The following DOCK4 variants were observed in gnomAD, a reference collection of about 807,000 sequenced individuals.
DOCK4 encodes dedicator of cytokinesis protein 4.
In DOCK4, 97 loss-of-function variants were observed where a neutral mutation model predicts 268.1. The ratio of observed to expected loss-of-function variants is 0.36; its 90% CI spans 0.31 to 0.43. The LOEUF (loss-of-function observed/expected upper bound fraction) is 0.43, where lower values mean the gene tolerates loss of function less well. Ranked by LOEUF, DOCK4 falls within the 20% of genes least tolerant of loss-of-function variation. DOCK4 has a pLI of 1.00. For synonymous variants in DOCK4, 954 were observed against 887.2 expected (o/e 1.08, Z -1.34); for missense variants, 2,145 against 2,455.7 (o/e 0.87, Z 2.67).
chr7:112,009,119 A>G (rs1801089386), intron 1 of DOCK4, among the ~76,000 whole-genome samples: 1 of 152,268 alleles, frequency 6.6e-6, no homozygotes, highest in African/African-American at 2.4e-5. Context: ...GCACAGGTCA[A>G]TTCCAGCCCA....
chr7:112,128,802 G>A (rs2428457), intron 1 of DOCK4, among the ~76,000 whole-genome samples: 64,132 of 150,898 alleles, frequency 0.43, 14,299 homozygotes, highest in South Asian at 0.56. Context: ...TCCTCTGCCT[G>A]GGAAAACCAG....
intron 39 of DOCK4, 50 bp downstream of exon 39, chr7:111,765,068 G>C (rs758187017): frequency 2.3e-5 from 19 of 826,430 alleles, no homozygotes; most frequent in Non-Finnish European, 3.4e-5. Context: ...TTCTTGATTG[G>C]GATATCTATA....
At chr7:112,017,474 A>G (rs767596299) in intron 1 of DOCK4, among the ~76,000 whole-genome samples, 3 of 152,220 alleles carry the variant, frequency 2.0e-5, no homozygotes, top group Non-Finnish European at 4.4e-5. Context: ...GCAATATAGT[A>G]TGGGAGAGGT....
At chr7:111,740,970 G>A (rs1795879634) in intron 47 of DOCK4, 124 bp downstream of exon 47, 7 of 1,168,756 alleles carry the variant, frequency 6.0e-6, no homozygotes, top group South Asian at 4.4e-5. Flanking sequence ...AGTGTTTAAA[G>A]GTTTGTCCTT....
chr7:112,099,056 T>C (rs1457691701), intron 1 of DOCK4, among the ~76,000 whole-genome samples: 3 of 151,940 alleles, frequency 2.0e-5, no homozygotes, highest in African/African-American at 7.2e-5. Flanking sequence ...TTGGGAGGCC[T>C]AGGTGGGCGG....
intron 1 of DOCK4, among the ~76,000 whole-genome samples, chr7:112,157,577 GT>G (rs1816738104): frequency 1.3e-5 from 2 of 152,182 alleles, no homozygotes; most frequent in African/African-American, 4.8e-5. Flanking sequence ...AACTCTCACA[GT>G]TCAGGGATTA....
chr7:112,167,368 T>C (rs1252984143), intron 1 of DOCK4, among the ~76,000 whole-genome samples: 1 of 152,152 alleles, frequency 6.6e-6, no homozygotes, highest in Admixed American at 6.5e-5. Flanking sequence ...CTGAATTCAT[T>C]CTTGGCTGAG....
chr7:111,998,490 G>T lies in DOCK4; in HGVS notation c.176C>A (p.Ser59Tyr). 6.3e-7 allele frequency: 1 copy of T among 1,590,474 alleles called. No individual in the cohort carries two copies. The highest frequency in any genetic ancestry group is 8.6e-7 in the Non-Finnish European group (1 of 1,166,410). Residue 59 changes from serine to tyrosine, a missense_variant, in exon 4 of 53, where the codon TCC becomes TAC. Around this residue, in one of 2 missense-constraint regions of DOCK4, gnomAD observed 1,598 missense variants for 1,986.7 expected, o/e 0.80. Coordinates refer to ENST00000428084, the MANE Select transcript of DOCK4 (RefSeq NM_001363540.2). ...GGCATTTTTCAAGTGAACGTAGCTG[G>T]AAGGAAATATACCCTGGAAAAGAAA... ...KNPNIKGIFP[S>Y]SYVHLKNACV... is the part of the protein sequence containing the mutation.
intron 42 of DOCK4, among the ~76,000 whole-genome samples, chr7:111,752,982 C>A: frequency 8.5e-6 from 1 of 118,264 alleles, no homozygotes; most frequent in East Asian, 2.5e-4. Flanking sequence ...GCATTGATAT[C>A]TTAACAAAAG....
At chr7:112,198,575 T>G (rs190874537) in intron 1 of DOCK4, among the ~76,000 whole-genome samples, 3 of 152,308 alleles carry the variant, frequency 2.0e-5, no homozygotes, top group African/African-American at 4.8e-5. Context: ...ATCTCTCACC[T>G]CAGTTACTGC....
At chr7:112,127,608 G>T in intron 1 of DOCK4, among the ~76,000 whole-genome samples, 1 of 151,976 alleles carries the variant, frequency 6.6e-6, no homozygotes. Flanking sequence ...CATAGAATTT[G>T]CTTAAAAATT....
At chr7:111,923,429 A>G (rs1170426571) in intron 12 of DOCK4, among the ~76,000 whole-genome samples, 4 of 151,978 alleles carry the variant, frequency 2.6e-5, no homozygotes, top group Admixed American at 6.6e-5. Flanking sequence ...TGCTAAGACT[A>G]TTATTTCTTT....
intron 1 of DOCK4, among the ~76,000 whole-genome samples, chr7:112,155,919 TTTTTAA>T (rs1816571731): frequency 6.6e-6 from 1 of 152,196 alleles, no homozygotes; most frequent in African/African-American, 2.4e-5. Context: ...AAACTATAAA[TTTTTAA>T]TTTTATTTAC....
chr7:112,033,074 GAC>G (rs1257965987), intron 1 of DOCK4, among the ~76,000 whole-genome samples: 2 of 152,062 alleles, frequency 1.3e-5, no homozygotes, highest in African/African-American at 2.4e-5. Flanking sequence ...TCTAGTAAGA[GAC>G]ACAGTATATT....
chr7:111,936,481 TATGAATGGATGG>T (rs1464080215), intron 11 of DOCK4, among the ~76,000 whole-genome samples: 1 of 145,552 alleles, frequency 6.9e-6, no homozygotes, highest in Non-Finnish European at 1.5e-5. Flanking sequence ...CTGTCAGTGG[TATGAATGGATGG>T]ATGGATGGAT....
At chr7:111,736,776 T>C (rs1795520835) in intron 50 of DOCK4, 141 bp downstream of exon 50, 2 of 760,390 alleles carry the variant, frequency 2.6e-6, no homozygotes, top group Non-Finnish European at 4.5e-6. Flanking sequence ...CTGTCTTTCA[T>C]TAATCCCTTA....
intron 1 of DOCK4, among the ~76,000 whole-genome samples, chr7:112,085,283 T>C (rs1423334379): frequency 6.6e-6 from 1 of 152,100 alleles, no homozygotes; most frequent in Non-Finnish European, 1.5e-5. Flanking sequence ...TAAACAAGAT[T>C]AGAGATTTTA....
intron 27 of DOCK4, among the ~76,000 whole-genome samples, chr7:111,813,798 C>A (rs1254321897): frequency 2.0e-5 from 3 of 152,116 alleles, no homozygotes; most frequent in African/African-American, 7.2e-5. Context: ...CATTACTGTT[C>A]CAAAGTATTT....
chr7:111,991,347 G>C (rs29473), intron 5 of DOCK4, among the ~76,000 whole-genome samples: 1 of 151,878 alleles, frequency 6.6e-6, no homozygotes, highest in African/African-American at 2.4e-5. Context: ...CTGAACATCT[G>C]GTCATAAAAT....
Sources: allele counts gnomAD v4.1 joint callset (sites outside exome capture counted in the v4.1 genomes callset), GRCh38; gene constraint gnomAD v4.1.1; regional missense constraint gnomAD v4.1.1; transcripts MANE v1.5; gene names NCBI Gene and HGNC (gene_info 2026-07-23, HGNC 2026-07-21).